The following POU2AF2 variants were observed in gnomAD, a reference collection of about 807,000 sequenced individuals.
The protein encoded by POU2AF2 is POU domain class 2-associating factor 2.
At chr11:111,261,286 C>T in the POU2AF2 span, among the ~76,000 whole-genome samples, 3 of 150,132 alleles carry the variant, frequency 2.0e-5, no homozygotes, top group Admixed American at 2.0e-4. Context: ...CACACACACA[C>T]ACACACATAA....
the POU2AF2 span, among the ~76,000 whole-genome samples, chr11:111,279,769 G>C: frequency 1.3e-5 from 2 of 151,972 alleles, no homozygotes; most frequent in African/African-American, 4.8e-5. Context: ...ATATAACTTT[G>C]GGTGGCTTAT....
the POU2AF2 span, among the ~76,000 whole-genome samples, chr11:111,264,493 AAAGAAAGAAAG>A: frequency 6.3e-4 from 2 of 3,184 alleles, no homozygotes; most frequent in African/African-American, 1.5e-3. Context: ...AAGACTCACG[AAAGAAAGAAAG>A]AAAGAAAGAA....
At chr11:111,284,015 A>T in the POU2AF2 span, 10 of 1,500,322 alleles carry the variant, frequency 6.7e-6, no homozygotes, top group Non-Finnish European at 9.2e-6. Context: ...CTCAGCTGCA[A>T]CCGAGGCCTT....
chr11:111,247,967 T>C, the POU2AF2 span, among the ~76,000 whole-genome samples: 2 of 140,662 alleles, frequency 1.4e-5, no homozygotes, highest in East Asian at 4.8e-4. Flanking sequence ...CACTGCAAGC[T>C]CCGCCTCCCG....
the POU2AF2 span, among the ~76,000 whole-genome samples, chr11:111,264,599 G>A: frequency 7.3e-6 from 1 of 136,714 alleles, no homozygotes; most frequent in Non-Finnish European, 1.6e-5. Context: ...ACAGAAAGAA[G>A]AAAGAGACGA....
chr11:111,282,928 A>G, the POU2AF2 span, among the ~76,000 whole-genome samples: 8 of 152,102 alleles, frequency 5.3e-5, no homozygotes, highest in Admixed American at 3.3e-4. Flanking sequence ...GCTACAACTG[A>G]GCTACGGGGT....
chr11:111,263,992 T>C, the POU2AF2 span, among the ~76,000 whole-genome samples: 1 of 152,306 alleles, frequency 6.6e-6, no homozygotes, highest in Admixed American at 6.5e-5. Context: ...CAACTGCATG[T>C]GAGGAGTGAT....
the POU2AF2 span, among the ~76,000 whole-genome samples, chr11:111,257,361 C>CTT: frequency 0.013 from 1,806 of 141,666 alleles, 35 homozygotes; most frequent in African/African-American, 0.043. Context: ...TTTATGTTAT[C>CTT]TTTTTTTTTT....
the POU2AF2 span, among the ~76,000 whole-genome samples, chr11:111,266,269 G>A: frequency 6.6e-6 from 1 of 152,108 alleles, no homozygotes; most frequent in African/African-American, 2.4e-5. Context: ...TCAGCATTCA[G>A]TGTTCTCCGT....
chr11:111,276,572 G>A, the POU2AF2 span, among the ~76,000 whole-genome samples: 2 of 145,902 alleles, frequency 1.4e-5, no homozygotes, highest in Non-Finnish European at 3.0e-5. Context: ...AACCCAGGAG[G>A]CGGAGGTTGC....
the POU2AF2 span, among the ~76,000 whole-genome samples, chr11:111,283,431 C>A: frequency 4.6e-5 from 7 of 152,018 alleles, no homozygotes; most frequent in Non-Finnish European, 1.0e-4. Context: ...GTCCATGAGG[C>A]CACAAGAGGG....
chr11:111,281,216 C>A, the POU2AF2 span, among the ~76,000 whole-genome samples: 1 of 152,166 alleles, frequency 6.6e-6, no homozygotes, highest in Admixed American at 6.5e-5. Flanking sequence ...TGCTCTTTGT[C>A]CCTTGTAAAA....
the POU2AF2 span, among the ~76,000 whole-genome samples, chr11:111,283,054 T>C: frequency 7.5e-6 from 1 of 133,266 alleles, no homozygotes; most frequent in African/African-American, 3.0e-5. Context: ...AGGAAAACTT[T>C]TTACTTTTTT....
the POU2AF2 span, among the ~76,000 whole-genome samples, chr11:111,275,123 T>C: frequency 2.6e-3 from 398 of 152,304 alleles, 5 homozygotes; most frequent in Non-Finnish European, 6.6e-4. Flanking sequence ...TTGGGAGTCA[T>C]GGAAAAATAA....
chr11:111,271,404 C>A, the POU2AF2 span, among the ~76,000 whole-genome samples: 1 of 151,978 alleles, frequency 6.6e-6, no homozygotes, highest in Non-Finnish European at 1.5e-5. Context: ...CAAAAAAACT[C>A]TTTTTTATTT....
chr11:111,271,116 A>G, the POU2AF2 span, among the ~76,000 whole-genome samples: 3 of 152,132 alleles, frequency 2.0e-5, no homozygotes, highest in African/African-American at 7.2e-5. Context: ...TGAAGTCAGG[A>G]GTTTGAGACC....
the POU2AF2 span, among the ~76,000 whole-genome samples, chr11:111,254,432 G>A: frequency 0.27 from 40,492 of 151,904 alleles, 5,544 homozygotes; most frequent in Admixed American, 0.29. Flanking sequence ...ATTTTGTATC[G>A]GTGTTTTGTA....
At chr11:111,261,195 C>A in the POU2AF2 span, among the ~76,000 whole-genome samples, 2 of 151,602 alleles carry the variant, frequency 1.3e-5, no homozygotes, top group African/African-American at 4.9e-5. Context: ...TTATTCTTTA[C>A]CACACTACTA....
At chr11:111,284,199 G>GT in the POU2AF2 span, 2 of 1,614,210 alleles carry the variant, frequency 1.2e-6, no homozygotes, top group Non-Finnish European at 1.7e-6. Context: ...CCGTTTCCCT[G>GT]TGAGTCCTCC....
Sources: allele counts gnomAD v4.1 joint callset (sites outside exome capture counted in the v4.1 genomes callset), GRCh38; gene constraint gnomAD v4.1.1; transcripts MANE v1.5; gene names NCBI Gene and HGNC (gene_info 2026-07-23, HGNC 2026-07-21).